The following LAMA3 variants were observed in gnomAD, a reference collection of about 807,000 sequenced individuals.
LAMA3 encodes the protein laminin subunit alpha 3.
Under a neutral mutation model 402.0 loss-of-function variants are expected in LAMA3, and 281 were observed. The ratio of observed to expected loss-of-function variants is 0.70; its 90% CI spans 0.63 to 0.77. The LOEUF is 0.77. Among genes scored for constraint, LAMA3 ranks in the 30% least tolerant of loss-of-function variants. The pLI is 0.00. For missense variants in LAMA3, 3,840 were observed against 4,215.5 expected (o/e 0.91, Z 2.47); for synonymous variants, 1,431 against 1,558.4 (o/e 0.92, Z 1.93).
intron 42 of LAMA3, 83 bp from the exon 43 acceptor site, chr18:23,894,211 AAACT>A: frequency 1.8e-6 from 2 of 1,121,934 alleles, no homozygotes; most frequent in Middle Eastern, 2.1e-4. Context: ...AAACTTTGCA[AAACT>A]AGCTTTTCTG....
chr18:23,794,979 T>C (rs1345300920), intron 12 of LAMA3, among the ~76,000 whole-genome samples: 1 of 152,220 alleles, frequency 6.6e-6, no homozygotes, highest in African/African-American at 2.4e-5. Context: ...CAGAGTATTA[T>C]TCCATCCAGT....
chr18:23,812,734 C>T (rs922245174), intron 13 of LAMA3, among the ~76,000 whole-genome samples: 2 of 152,080 alleles, frequency 1.3e-5, no homozygotes, highest in African/African-American at 4.8e-5. Context: ...ACAATATTGC[C>T]CTCTTCTGGA....
intron 37 of LAMA3, among the ~76,000 whole-genome samples, chr18:23,870,212 A>G (rs1436020291): frequency 6.6e-6 from 1 of 152,176 alleles, no homozygotes; most frequent in Non-Finnish European, 1.5e-5. Flanking sequence ...CTGAGGCAGG[A>G]GAATCACTTG....
In LAMA3 at chr18:23,810,350, G is replaced by T. The variant is rs775475317; in HGVS notation, c.1604-16G>T. On this transcript the variant is annotated splice_polypyrimidine_tract_variant and intron_variant, in intron 12 of 74. Transcript: ENST00000313654. ...CTGCAACCCCCGCCTAAGTCTGATT[G>T]AATTCTTTCATCCAGCCTGCTGGTG... The T allele has an allele frequency of 1.2e-6, 2 of 1,613,976 alleles. No individual in the cohort carries two copies. Among genetic ancestry groups the T allele is most frequent in the South Asian group, 2.2e-5 (2 of 91,048 alleles).
Position 23,905,619 on chromosome 18 carries a change from A to G in LAMA3, c.6713A>G (p.Lys2238Arg). The G allele has an allele frequency of 6.3e-7, 1 of 1,592,650 alleles. No individual in the cohort carries two copies. Among genetic ancestry groups the G allele is most frequent in the Non-Finnish European group, 8.6e-7 (1 of 1,161,108 alleles). Reference protein sequence around the residue: ...NEAKMTQKKLKQEVSPALNNL... With the variant: ...NEAKMTQKKLRQEVSPALNNL... ...GCCAAGATGACACAAAAGAAGCTAA[A>G]GCAAGGTATTAGGGGGAGTGGGCAA... is the stretch of plus-strand genomic sequence containing the variant. Residue 2238 changes from lysine (K) to arginine (R), a missense_variant, in exon 52 of 75, where the codon AAG (lysine) becomes AGG (arginine). Around this residue, in one of 3 missense-constraint regions of LAMA3, gnomAD observed 891 missense variants for 857.5 expected, o/e 1.04. Coordinates refer to ENST00000313654, the MANE Select transcript of LAMA3 (RefSeq NM_198129.4).
chr18:23,845,840 G>C (rs934515187), intron 30 of LAMA3, among the ~76,000 whole-genome samples: 4 of 152,156 alleles, frequency 2.6e-5, no homozygotes, highest in African/African-American at 9.7e-5. Context: ...TTAGGGCTTA[G>C]GCCTAATTGG....
At chr18:23,940,914 T>C (rs2082481230) in intron 68 of LAMA3, among the ~76,000 whole-genome samples, 1 of 150,486 alleles carries the variant, frequency 6.6e-6, no homozygotes, top group Non-Finnish European at 1.5e-5. Flanking sequence ...CTGACCTTAA[T>C]GACAATGACC....
At chr18:23,898,627 G>A (rs958764569) in intron 44 of LAMA3, 111 bp from the exon 45 acceptor site, 2 of 756,722 alleles carry the variant, frequency 2.6e-6, no homozygotes, top group Non-Finnish European at 4.9e-6. Flanking sequence ...TGTGTGTGTG[G>A]AACTGAAAAT....
At chr18:23,907,513 C>A (rs1335765910) in intron 52 of LAMA3, 37 bp from the exon 53 acceptor site, 3 of 1,431,184 alleles carry the variant, frequency 2.1e-6, no homozygotes, top group South Asian at 2.3e-5. Context: ...TCAAAATGCA[C>A]AAAGTAATTG....
intron 38 of LAMA3, among the ~76,000 whole-genome samples, chr18:23,875,778 C>T (rs778559150): frequency 2.7e-4 from 41 of 152,106 alleles, no homozygotes; most frequent in Non-Finnish European, 4.3e-4. Context: ...CCTCTAAGGA[C>T]GAGTCTCTTT....
chr18:23,713,203 A>G (rs967945307), intron 1 of LAMA3, among the ~76,000 whole-genome samples: 2 of 152,208 alleles, frequency 1.3e-5, no homozygotes, highest in Non-Finnish European at 2.9e-5. Flanking sequence ...AGCCAGCCAC[A>G]TCTCTCCATG....
intron 2 of LAMA3, among the ~76,000 whole-genome samples, chr18:23,735,650 C>T (rs1294672437): frequency 6.6e-6 from 1 of 152,144 alleles, no homozygotes; most frequent in Non-Finnish European, 1.5e-5. Context: ...TCAAGAGTCC[C>T]GCAGGAATGG....
intron 2 of LAMA3, among the ~76,000 whole-genome samples, chr18:23,746,046 A>G (rs1323310057): frequency 6.6e-6 from 1 of 152,194 alleles, no homozygotes; most frequent in Non-Finnish European, 1.5e-5. Context: ...GTGTCTTTGG[A>G]AATTGTTACA....
At chr18:23,736,306 C>T (rs542619804) in intron 2 of LAMA3, among the ~76,000 whole-genome samples, 1 of 146,802 alleles carries the variant, frequency 6.8e-6, no homozygotes, top group Non-Finnish European at 1.5e-5. Context: ...TTCAATTTTC[C>T]TGTGCTTTAT....
chr18:23,830,287 A>G (rs2063467647), intron 23 of LAMA3, among the ~76,000 whole-genome samples: 1 of 152,096 alleles, frequency 6.6e-6, no homozygotes, highest in Non-Finnish European at 1.5e-5. Context: ...AAAAAATGCT[A>G]ACCTGTTTTT....
chr18:23,804,022 G>A (rs926052107), intron 12 of LAMA3, among the ~76,000 whole-genome samples: 2 of 152,088 alleles, frequency 1.3e-5, no homozygotes, highest in African/African-American at 2.4e-5. Flanking sequence ...TTATGGCTTC[G>A]TGGGTCAGAT....
At chr18:23,848,594 C>T (rs2063874973) in intron 32 of LAMA3, among the ~76,000 whole-genome samples, 2 of 152,092 alleles carry the variant, frequency 1.3e-5, no homozygotes, top group Admixed American at 1.3e-4. Flanking sequence ...CAGCACGCAC[C>T]CCAGGCACAT....
At chr18:23,907,473 A>T in intron 52 of LAMA3, 77 bp from the exon 53 acceptor site, 1 of 1,019,646 alleles carries the variant, frequency 9.8e-7, no homozygotes, top group Non-Finnish European at 1.6e-6. Context: ...GACACTGGCT[A>T]CTTCAGGGGC....
intron 15 of LAMA3, 37 bp downstream of exon 15, chr18:23,814,539 A>G: frequency 7.5e-7 from 1 of 1,330,390 alleles, no homozygotes; most frequent in South Asian, 1.2e-5. Context: ...CTATATTATA[A>G]TGTTCTCTTA....
Sources: gnomAD v4.1 joint callset for allele counts (sites outside exome capture counted in the v4.1 genomes callset) on GRCh38, gnomAD v4.1.1 for gene constraint, gnomAD v4.1.1 regional missense constraint, MANE v1.5 for transcripts, NCBI Gene and HGNC (gene_info 2026-07-23, HGNC 2026-07-21) for gene names.